The following SGSM2 variants were observed in gnomAD, a reference collection of about 807,000 sequenced individuals.
The protein encoded by SGSM2 is small G protein signaling modulator 2, also known as RUN and TBC1 domain containing 1.
SGSM2 carries 89 observed loss-of-function variants against 126.6 expected under a neutral mutation model. The observed-to-expected ratio is 0.70, with a 90% CI of 0.59 to 0.84. SGSM2 has a LOEUF of 0.84. SGSM2 is among the 40% of genes least tolerant of loss of function. The pLI is 0.00. For missense variants in SGSM2, 1,404 were observed against 1,416.6 expected (o/e 0.99, Z 0.14); for synonymous variants, 614 against 574.3 (o/e 1.07, Z -0.99).
intron 2 of SGSM2, among the ~76,000 whole-genome samples, chr17:2,352,767 C>CTTTTTTTT (rs71150860): frequency 1.2e-5 from 1 of 85,960 alleles, no homozygotes; most frequent in South Asian, 3.9e-4. Flanking sequence ...GCTGCATTTT[C>CTTTTTTTT]TTTTTTTTTT....
chr17:2,348,093 A>G (rs1043363479), intron 2 of SGSM2, among the ~76,000 whole-genome samples: 2 of 152,142 alleles, frequency 1.3e-5, no homozygotes, highest in South Asian at 2.1e-4. Context: ...GGCTTTATTA[A>G]CCAGCTCCCT....
At chr17:2,373,787 C>T (rs2151627526) in intron 17 of SGSM2, 2 of 442,896 alleles carry the variant, frequency 4.5e-6, no homozygotes, top group East Asian at 7.5e-5. Flanking sequence ...TTAGGGAAGC[C>T]CTCCTCCTTG....
chr17:2,371,216 G>A (rs1331372726), intron 12 of SGSM2, 46 bp from the exon 13 acceptor site: 2 of 1,579,498 alleles, frequency 1.3e-6, no homozygotes, highest in Non-Finnish European at 1.7e-6. Context: ...GTGCCTGGGA[G>A]AGAAGGTGTC....
chr17:2,364,358 C>G, intron 8 of SGSM2, 175 bp downstream of exon 8: 1 of 918,030 alleles, frequency 1.1e-6, no homozygotes, highest in East Asian at 2.6e-5. Context: ...AGGACGGAGC[C>G]AAGCCTGGCC....
At chr17:2,352,938 C>A (rs1440737801) in intron 2 of SGSM2, among the ~76,000 whole-genome samples, 1 of 147,182 alleles carries the variant, frequency 6.8e-6, no homozygotes, top group Non-Finnish European at 1.5e-5. Flanking sequence ...CCACCACGCC[C>A]GGCTAATTTT....
At chr17:2,339,633 G>A (rs2064259388) in intron 1 of SGSM2, among the ~76,000 whole-genome samples, 1 of 150,360 alleles carries the variant, frequency 6.7e-6, no homozygotes, top group Non-Finnish European at 1.5e-5. Flanking sequence ...GCATGAACCC[G>A]GGAGGCAGAG....
chr17:2,360,093 A>G (rs1453149385), intron 2 of SGSM2, among the ~76,000 whole-genome samples: 1 of 152,210 alleles, frequency 6.6e-6, no homozygotes, highest in Non-Finnish European at 1.5e-5. Context: ...CTGTAATCCC[A>G]GCACTTTGAG....
chr17:2,371,047 C>T (rs375862355), intron 12 of SGSM2, among the ~76,000 whole-genome samples: 3 of 152,210 alleles, frequency 2.0e-5, no homozygotes, highest in African/African-American at 7.2e-5. Context: ...GCCTTGCGCC[C>T]CTCTCCAGGC....
chr17:2,377,984 G>C (rs374487655), intron 22 of SGSM2, 31 bp downstream of exon 22: 75 of 1,353,160 alleles, frequency 5.5e-5, no homozygotes, highest in Non-Finnish European at 7.2e-5. Context: ...TGGGGCTGAG[G>C]TCAGGGACAG....
rs1468882479 is a variant in SGSM2 at position 2,376,196 on chromosome 17, G to T, written c.2544G>T (p.Arg848Ser). The T allele has an allele frequency of 6.2e-7, 1 of 1,613,994 alleles. No individual in the cohort carries two copies. The highest frequency in any genetic ancestry group is 8.5e-7 in the Non-Finnish European group (1 of 1,180,042). ...ACCGCATAGACAAGGATGTGCAGAG[G>T]TGTGACCGCAACTACTGGTACTTCA... ...NLHRIDKDVQ[R>S]CDRNYWYFTP... Residue 848 changes from arginine (R) to serine (S), a missense_variant, in exon 19 of 24, where the codon AGG becomes AGT. Transcript: ENST00000268989.
chr17:2,349,202 C>T (rs8081314), intron 2 of SGSM2, among the ~76,000 whole-genome samples: 38,733 of 151,682 alleles, frequency 0.26, 5,468 homozygotes, highest in South Asian at 0.4. Context: ...ATGGCGAAGC[C>T]CCATCTGTAC....
intron 2 of SGSM2, among the ~76,000 whole-genome samples, chr17:2,345,034 C>T (rs2064532896): frequency 6.6e-6 from 1 of 152,138 alleles, no homozygotes; most frequent in African/African-American, 2.4e-5. Context: ...GGAAGGTTTC[C>T]CCAGTTCTTT....
Position 2,372,450 on chromosome 17 carries a change from A to C in SGSM2, c.1750A>C (p.Thr584Pro). The part of the protein sequence containing the change: ...DRPPGASAGL[T>P]KDVWSKYQKD... The stretch of plus-strand genomic sequence containing the variant: ...GCCCCCGGGGGCCTCCGCGGGCCTC[A>C]CCAAGGACGTGTGGAGCAAGTATCA... The change falls in exon 15 of 24, where the codon ACC becomes CCC. Residue 584 changes from threonine to proline, a missense_variant. Thr to Pro is a conservative substitution (Grantham distance 38). Transcript: ENST00000268989. The surrounding 1 kb of genome is among the most constrained non-coding windows in gnomAD (Gnocchi z 6.0). 1 of 1,601,042 alleles carries C rather than the reference A, an allele frequency of 6.2e-7. No homozygotes were observed. The highest frequency in any genetic ancestry group is 8.5e-7 in the Non-Finnish European group (1 of 1,176,338).
chr17:2,363,873 G>T lies in SGSM2; in HGVS notation c.808-186G>T. On this transcript the variant is annotated intron_variant, in intron 7 of 23. Transcript: ENST00000268989. The surrounding 1 kb of genome is among the most constrained non-coding windows in gnomAD (Gnocchi z 4.2). ...CCAGGAGGCTGGCAGGAGAGAGTCAGTGGCACCAGGCTGACCAGGGAAACT... is the reference window on the plus strand; with the variant it reads ...CCAGGAGGCTGGCAGGAGAGAGTCATTGGCACCAGGCTGACCAGGGAAACT... 2 of 798,998 alleles carry T rather than the reference G, an allele frequency of 2.5e-6. No individual in the cohort carries two copies. Among genetic ancestry groups the T allele is most frequent in the Non-Finnish European group, 3.9e-6 (2 of 511,006 alleles). The allele number at this position is 798,998 out of a possible 1,614,324, so 49.5% of individuals were successfully genotyped here. A position where few individuals can be genotyped will look rare whatever the true frequency, so the allele number is the denominator to read the frequency against.
chr17:2,337,932 G>A lies in SGSM2; in HGVS notation c.57+187G>A, dbSNP rs879513458. Reference sequence around the variant, plus strand: ...GGGGAGGGCAGCGCCCCTCTGCCCGGGGGACCCGGCCGGCGCTCCCGGCTT... The same window carrying A: ...GGGGAGGGCAGCGCCCCTCTGCCCGAGGGACCCGGCCGGCGCTCCCGGCTT... On this transcript the variant is annotated intron_variant, in intron 1 of 23. Transcript: ENST00000268989. The surrounding 1 kb of genome is among the most constrained non-coding windows in gnomAD (Gnocchi z 5.1). Among the ~76,000 whole-genome samples, 35 of 152,002 alleles carry A rather than the reference G, an allele frequency of 2.3e-4. No homozygotes were observed. The highest frequency in any genetic ancestry group is 4.6e-4 in the Non-Finnish European group (31 of 67,944).
chr17:2,367,033 TCCTAGAGAGGCTG>T lies in SGSM2; in HGVS notation c.1289-234_1289-222del, dbSNP rs2065622165. The T allele has an allele frequency of 1.5e-5, 8 of 518,508 alleles. No individual in the cohort carries two copies. Among genetic ancestry groups the T allele is most frequent in the Non-Finnish European group, 3.5e-6 (1 of 287,798 alleles). 32.1% of individuals were successfully genotyped at this position (518,508 alleles called of 1,614,324 possible). The stretch of plus-strand genomic sequence containing the variant: ...ACCTCTGTTCTCTCTCTTCTGTTCT[TCCTAGAGAGGCTG>T]CCTCCGAAGAGTGAGGTTCTGCAGC... On this transcript the variant is annotated intron_variant, in intron 11 of 23. Transcript: ENST00000268989. This position sits in a 1 kb window ranked among gnomAD's most constrained non-coding sequence, Gnocchi z 4.0.
chr17:2,380,542 C>A lies in SGSM2; in HGVS notation c.*1022C>A. The A allele has an allele frequency of 3.5e-6, 2 of 577,356 alleles. No individual in the cohort carries two copies. Among genetic ancestry groups the A allele is most frequent in the Non-Finnish European group, 6.2e-6 (2 of 323,230 alleles). The allele number at this position is 577,356 out of a possible 1,614,324, so 35.8% of individuals were successfully genotyped here. A position where few individuals can be genotyped will look rare whatever the true frequency, so the allele number is the denominator to read the frequency against. On this transcript the variant is annotated 3_prime_UTR_variant, in exon 24 of 24. Coordinates refer to ENST00000268989, the MANE Select transcript of SGSM2 (RefSeq NM_014853.3). ...CTAGCTCTGCCTTCCACATGCTTCT[C>A]AGGATGCCAAGAGGCCTAGGAACCC...
At chr17:2,341,461 A>G (rs1412572151) in intron 1 of SGSM2, among the ~76,000 whole-genome samples, 3 of 152,182 alleles carry the variant, frequency 2.0e-5, no homozygotes, top group African/African-American at 7.2e-5. Flanking sequence ...AACCATTAGC[A>G]GTTTCCGGCA....
rs1299875521 is a variant in SGSM2 at position 2,363,205 on chromosome 17, G to C, written c.672+71G>C. 6.0e-6 allele frequency: 9 copies of C among 1,503,660 alleles called. No homozygotes were observed. Among genetic ancestry groups the C allele is most frequent in the Non-Finnish European group, 8.0e-6 (9 of 1,126,764 alleles). 93.1% of individuals were successfully genotyped at this position (1,503,660 alleles called of 1,614,324 possible). A position where few individuals can be genotyped will look rare whatever the true frequency, so the allele number is the denominator to read the frequency against. ...ATGGGCCTGTAGGGACGGGAAACCG[G>C]CCTCTCTACGGGACAGGCCTTGGAG... On this transcript the variant is annotated intron_variant, in intron 6 of 23. Transcript: ENST00000268989. The surrounding 1 kb of genome is among the most constrained non-coding windows in gnomAD (Gnocchi z 4.2).
Sources: allele counts gnomAD v4.1 joint callset (sites outside exome capture counted in the v4.1 genomes callset), GRCh38; gene constraint gnomAD v4.1.1; non-coding constraint Gnocchi (gnomAD v3.1); transcripts MANE v1.5; gene names NCBI Gene and HGNC (gene_info 2026-07-23, HGNC 2026-07-21).